The following FANCL variants were observed in gnomAD, a reference collection of about 807,000 sequenced individuals.
FANCL encodes E3 ubiquitin-protein ligase FANCL.
Under a neutral mutation model 59.4 loss-of-function variants are expected in FANCL, and 69 were observed. The ratio of observed to expected loss-of-function variants is 1.16; its 90% CI spans 0.96 to 1.42. The LOEUF (loss-of-function observed/expected upper bound fraction) is 1.42, where lower values mean the gene tolerates loss of function less well. Among genes scored for constraint, FANCL ranks in the 40% most tolerant of loss-of-function variants. The pLI is 0.00. For missense variants in FANCL, 519 were observed against 447.2 expected, an observed-to-expected ratio of 1.16 and a Z score of -1.45; for synonymous variants, 180 against 147.1, an observed-to-expected ratio of 1.22 and a Z score of -1.62.
intron 7 of FANCL, among the ~76,000 whole-genome samples, chr2:58,182,463 A>G (rs147881438): frequency 2.0e-5 from 3 of 152,002 alleles, no homozygotes; most frequent in East Asian, 1.9e-4. Context: ...CATTTTCATC[A>G]TAACTTTGAC....
intron 4 of FANCL, among the ~76,000 whole-genome samples, chr2:58,225,857 T>C (rs951874801): frequency 3.3e-5 from 5 of 152,084 alleles, no homozygotes; most frequent in Non-Finnish European, 7.4e-5. Flanking sequence ...GAGATGATGT[T>C]ATACATAAGT....
chr2:58,181,139 G>C (rs193143949), intron 7 of FANCL, among the ~76,000 whole-genome samples: 1 of 152,076 alleles, frequency 6.6e-6, no homozygotes, highest in East Asian at 1.9e-4. Context: ...CCAAAAACTG[G>C]TAACAGTCCA....
chr2:58,159,490 T>C lies in FANCL; in HGVS notation c.*275A>G. ...TCAAGATTTTACCAGTCCAGATATATTCAAGAAGTCAAGATCTCCATCTTG... is the reference window on the plus strand; with the variant it reads ...TCAAGATTTTACCAGTCCAGATATACTCAAGAAGTCAAGATCTCCATCTTG... On this transcript the variant is annotated 3_prime_UTR_variant, in exon 14 of 14. Transcript: ENST00000233741. 6.2e-7 allele frequency: 1 copy of C among 1,613,740 alleles called. No individual in the cohort carries two copies. The highest frequency in any genetic ancestry group is 8.5e-7 in the Non-Finnish European group (1 of 1,179,794).
intron 7 of FANCL, among the ~76,000 whole-genome samples, chr2:58,176,266 T>C (rs945294839): frequency 3.3e-5 from 5 of 152,096 alleles, no homozygotes; most frequent in South Asian, 2.1e-4. Flanking sequence ...CTTCACAGAA[T>C]TGGAAAAATC....
chr2:58,181,502 C>T (rs1464108689), intron 7 of FANCL, among the ~76,000 whole-genome samples: 1 of 151,988 alleles, frequency 6.6e-6, no homozygotes, highest in Non-Finnish European at 1.5e-5. Context: ...ATGCACTTTA[C>T]TGTTTCCAAA....
At chr2:58,240,807 C>T (rs988080705) in intron 1 of FANCL, among the ~76,000 whole-genome samples, 6 of 152,030 alleles carry the variant, frequency 3.9e-5, no homozygotes, top group Non-Finnish European at 7.4e-5. Flanking sequence ...ACAGGAAACA[C>T]GAAAATAATT....
intron 1 of FANCL, among the ~76,000 whole-genome samples, chr2:58,233,520 T>C (rs1300425132): frequency 6.6e-6 from 1 of 151,992 alleles, no homozygotes; most frequent in Non-Finnish European, 1.5e-5. Flanking sequence ...AAAAGCTACA[T>C]CAATTACCAT....
intron 7 of FANCL, among the ~76,000 whole-genome samples, chr2:58,193,040 T>A (rs770131010): frequency 6.6e-6 from 1 of 151,750 alleles, no homozygotes; most frequent in South Asian, 2.1e-4. Context: ...TAAGAAAAAA[T>A]TCAACAAAAA....
At chr2:58,182,706 C>T (rs1688048348) in intron 7 of FANCL, among the ~76,000 whole-genome samples, 1 of 151,584 alleles carries the variant, frequency 6.6e-6, no homozygotes. Context: ...TCAGGTTATA[C>T]AAAATTAAGT....
At chr2:58,206,999 C>A (rs1409374950) in intron 5 of FANCL, among the ~76,000 whole-genome samples, 1 of 152,106 alleles carries the variant, frequency 6.6e-6, no homozygotes, top group Non-Finnish European at 1.5e-5. Flanking sequence ...CCTGCCCCCA[C>A]TCAACTCTCA....
chr2:58,235,134 G>T (rs80099621), intron 1 of FANCL, among the ~76,000 whole-genome samples: 1 of 151,664 alleles, frequency 6.6e-6, no homozygotes, highest in African/African-American at 2.4e-5. Context: ...TGTACAATTC[G>T]CAAGGTATAG....
intron 7 of FANCL, among the ~76,000 whole-genome samples, chr2:58,173,029 G>C (rs1686841005): frequency 6.6e-6 from 1 of 152,214 alleles, no homozygotes; most frequent in Admixed American, 6.5e-5. Flanking sequence ...CTGGAAGAAA[G>C]GGTATCAGTG....
chr2:58,171,121 T>G (rs371185001), intron 7 of FANCL, among the ~76,000 whole-genome samples: 2 of 152,084 alleles, frequency 1.3e-5, no homozygotes, highest in African/African-American at 2.4e-5. Flanking sequence ...ATCACAAAAT[T>G]TGAAGTAAAA....
intron 13 of FANCL, 136 bp downstream of exon 13, chr2:58,159,972 G>C: frequency 6.5e-7 from 1 of 1,528,564 alleles, no homozygotes. Flanking sequence ...TTTGATCAGA[G>C]AATTTGAAAA....
chr2:58,173,943 T>C (rs1299619068), intron 7 of FANCL, among the ~76,000 whole-genome samples: 2 of 151,778 alleles, frequency 1.3e-5, no homozygotes, highest in African/African-American at 4.8e-5. Context: ...TGGAGGAAGA[T>C]CTACCAAGCA....
chr2:58,217,710 G>C (rs1200085860), intron 5 of FANCL, among the ~76,000 whole-genome samples: 6 of 150,570 alleles, frequency 4.0e-5, no homozygotes, highest in Admixed American at 4.0e-4. Context: ...AAATTTTGAG[G>C]AACAAAAACA....
chr2:58,176,072 G>A (rs1472557486), intron 7 of FANCL, among the ~76,000 whole-genome samples: 2 of 151,678 alleles, frequency 1.3e-5, no homozygotes, highest in African/African-American at 4.8e-5. Context: ...CAACTTACAA[G>A]GGATGTGAAG....
chr2:58,201,431 G>C (rs887916496), intron 6 of FANCL, among the ~76,000 whole-genome samples: 13 of 151,512 alleles, frequency 8.6e-5, no homozygotes, highest in Non-Finnish European at 1.8e-4. Context: ...GTATTTTTTA[G>C]ACTCTATAAT....
intron 7 of FANCL, among the ~76,000 whole-genome samples, chr2:58,172,797 G>C (rs1222821301): frequency 6.6e-6 from 1 of 152,220 alleles, no homozygotes; most frequent in Non-Finnish European, 1.5e-5. Context: ...GAATGACTTT[G>C]ACGAGTTGAG....
Sources: gnomAD v4.1 joint callset for allele counts (sites outside exome capture counted in the v4.1 genomes callset) on GRCh38, gnomAD v4.1.1 for gene constraint, MANE v1.5 for transcripts, NCBI Gene and HGNC (gene_info 2026-07-23, HGNC 2026-07-21) for gene names.